Variants in RAD9B observed in about 807,000 individuals in gnomAD.
The protein encoded by RAD9B is cell cycle checkpoint control protein RAD9B.
A neutral mutation model predicts 48.3 loss-of-function variants in RAD9B; 41 were observed. The observed-to-expected ratio is 0.85, with a 90% confidence interval of 0.66 to 1.10. The LOEUF is 1.10. Among genes scored for constraint, RAD9B ranks in the 50% least tolerant of loss-of-function variants. The pLI is 0.00. For missense variants in RAD9B, 444 were observed against 485.1 expected, an observed-to-expected ratio of 0.92 and a Z score of 0.80; for synonymous variants, 160 against 157.9, an observed-to-expected ratio of 1.01 and a Z score of -0.10.
At position 110,515,046 on chromosome 12, in the gene RAD9B, A is replaced by T; in HGVS notation, c.489-4A>T. ...ATGTTAATACTGTTCTTTACATTTT[A>T]TAGATTGCTTGCTGATGCCATTGTT... On this transcript the variant is annotated splice_polypyrimidine_tract_variant and splice_region_variant and intron_variant, in intron 5 of 10. Coordinates refer to ENST00000409300, the MANE Select transcript of RAD9B (RefSeq NM_001286535.2). The T allele has an allele frequency of 1.3e-6, 2 of 1,522,074 alleles. No homozygotes were observed. The highest frequency in any genetic ancestry group is 1.8e-6 in the Non-Finnish European group (2 of 1,120,346). The allele number at this position is 1,522,074 out of a possible 1,614,324, so 94.3% of individuals were successfully genotyped here.
Position 110,505,711 on chromosome 12 carries a change from TG to T in RAD9B, c.213del (p.Met73Ter). On this transcript the variant is annotated frameshift_variant, in exon 3 of 11. Coordinates refer to ENST00000409300, the MANE Select transcript of RAD9B (RefSeq NM_001286535.2). LOFTEE classifies it high-confidence loss of function. Reference sequence around the variant, plus strand: ...CAGCATTATCAATGGTCAGCTTTAGTGAAAATGAGTGAAAATGAACTTGACA... The same window carrying T: ...CAGCATTATCAATGGTCAGCTTTAGTAAAATGAGTGAAAATGAACTTGACA... Reference protein sequence around the residue: ...FFQHYQWSALVKMSENELDTT... With the variant: ...FFQHYQWSALXKMSENELDTT... The T allele has an allele frequency of 6.2e-7, 1 of 1,608,352 alleles. No individual in the cohort carries two copies. Among genetic ancestry groups the T allele is most frequent in the Non-Finnish European group, 8.5e-7 (1 of 1,177,048 alleles).
At chr12:110,527,873 G>T (rs889019142) in intron 10 of RAD9B, among the ~76,000 whole-genome samples, 5 of 152,128 alleles carry the variant, frequency 3.3e-5, no homozygotes, top group Non-Finnish European at 7.3e-5. Flanking sequence ...AAGGATGAGG[G>T]CATGGGGGTG....
chr12:110,505,589 C>A, intron 2 of RAD9B, 28 bp from the exon 3 acceptor site: 6 of 1,532,256 alleles, frequency 3.9e-6, no homozygotes, highest in African/African-American at 1.4e-5. Context: ...GCAACCTCTC[C>A]TAAATAGTTT....
intron 6 of RAD9B, among the ~76,000 whole-genome samples, chr12:110,516,827 T>A (rs1454368968): frequency 6.6e-6 from 1 of 151,624 alleles, no homozygotes; most frequent in Non-Finnish European, 1.5e-5. Context: ...ATAATAATAA[T>A]AAATATGTAT....
chr12:110,517,668 G>A (rs1378002738), intron 6 of RAD9B, among the ~76,000 whole-genome samples: 3 of 150,702 alleles, frequency 2.0e-5, no homozygotes, highest in Non-Finnish European at 4.4e-5. Context: ...ATATGTGTAT[G>A]TATAAATACA....
At position 110,530,926 on chromosome 12, in the gene RAD9B, G is replaced by A. The variant is rs948974849; in HGVS notation, c.*273G>A. The A allele has an allele frequency of 9.4e-6, 11 of 1,166,672 alleles. No homozygotes were observed. Among genetic ancestry groups the A allele is most frequent in the Middle Eastern group, 7.4e-4 (2 of 2,698 alleles). The allele number at this position is 1,166,672 out of a possible 1,614,324, so 72.3% of individuals were successfully genotyped here. On this transcript the variant is annotated 3_prime_UTR_variant, in exon 11 of 11. Transcript: ENST00000409300. Reference sequence around the variant, plus strand: ...GCCCATTAGAGTTCTTCAATTCAATGCACGTTCACCCTAGAGCTTTTAACA... The same window carrying A: ...GCCCATTAGAGTTCTTCAATTCAATACACGTTCACCCTAGAGCTTTTAACA...
Position 110,518,885 on chromosome 12 carries a change from AT to A in RAD9B, c.718del (p.Ser240GlnfsTer21). ...TTTTCTTTTTTCAGGGAATACTGAC[AT>A]TTTCAGAAGCTACACATGCTCCTAT... Reference protein sequence around the residue: ...CFKELKGILTFSEATHAPISI... With the variant: ...CFKELKGILTXSEATHAPISI... On this transcript the variant is annotated frameshift_variant, in exon 8 of 11. Coordinates refer to ENST00000409300, the MANE Select transcript of RAD9B (RefSeq NM_001286535.2). LOFTEE classifies it high-confidence loss of function. 5 of 1,579,232 alleles carry A rather than the reference AT, an allele frequency of 3.2e-6. No homozygotes were observed. The highest frequency in any genetic ancestry group is 4.3e-6 in the Non-Finnish European group (5 of 1,162,056).
intron 4 of RAD9B, among the ~76,000 whole-genome samples, chr12:110,510,718 T>G (rs2063433936): frequency 6.6e-6 from 1 of 152,178 alleles, no homozygotes; most frequent in Non-Finnish European, 1.5e-5. Flanking sequence ...TCATACTCAT[T>G]ATTGCTACCT....
intron 2 of RAD9B, among the ~76,000 whole-genome samples, chr12:110,504,630 C>T (rs188865152): frequency 4.8e-4 from 73 of 152,076 alleles, no homozygotes; most frequent in African/African-American, 1.6e-3. Flanking sequence ...GGTGTGAGAC[C>T]GCCAATATGC....
intron 6 of RAD9B, 136 bp downstream of exon 6, chr12:110,515,292 G>A (rs1323845536): frequency 1.8e-6 from 1 of 561,978 alleles, no homozygotes; most frequent in Non-Finnish European, 3.1e-6. Context: ...GTTGGAAAAA[G>A]CTTTAAGAGA....
chr12:110,508,155 ATTC>A (rs1315818198), intron 4 of RAD9B: 1 of 169,274 alleles, frequency 5.9e-6, no homozygotes, highest in Non-Finnish European at 1.5e-5. Context: ...GTGCGTGTAA[ATTC>A]TTCTCCACTT....
Position 110,531,501 on chromosome 12 carries a change from T to A in RAD9B, c.*848T>A. 2 of 1,130,266 alleles carry A rather than the reference T, an allele frequency of 1.8e-6. No individual in the cohort carries two copies. Among genetic ancestry groups the A allele is most frequent in the Non-Finnish European group, 2.6e-6 (2 of 763,982 alleles). 70.0% of individuals were successfully genotyped at this position (1,130,266 alleles called of 1,614,324 possible). A position where few individuals can be genotyped will look rare whatever the true frequency, so the allele number is the denominator to read the frequency against. On this transcript the variant is annotated 3_prime_UTR_variant, in exon 11 of 11. Transcript: ENST00000409300. ...GCCACTGCGCCCAACCTGGAGTGTT[T>A]TTACATATTGTAAAATTTTATTTCC...
At chr12:110,519,550 C>T (rs2063711320) in intron 8 of RAD9B, among the ~76,000 whole-genome samples, 1 of 152,004 alleles carries the variant, frequency 6.6e-6, no homozygotes, top group Non-Finnish European at 1.5e-5. Flanking sequence ...TCTGCCTTAG[C>T]CTCTTGAGTA....
chr12:110,533,326 T>C lies in RAD9B; in HGVS notation c.*2673T>C, dbSNP rs750527903. Reference sequence around the variant, plus strand: ...AGAACTATTCCTGCATAAGTTATAATTCAGACATCCAAATTCAGGTAATTG... The same window carrying C: ...AGAACTATTCCTGCATAAGTTATAACTCAGACATCCAAATTCAGGTAATTG... On this transcript the variant is annotated 3_prime_UTR_variant, in exon 11 of 11. Transcript: ENST00000409300. 2.6e-4 allele frequency: 40 copies of C among 152,166 alleles called. No homozygotes were observed. The highest frequency in any genetic ancestry group is 4.7e-4 in the Non-Finnish European group (32 of 68,030). 9.4% of individuals were successfully genotyped at this position (152,166 alleles called of 1,614,324 possible).
At chr12:110,509,998 A>G (rs890121243) in intron 4 of RAD9B, among the ~76,000 whole-genome samples, 3 of 152,110 alleles carry the variant, frequency 2.0e-5, no homozygotes. Flanking sequence ...TCATCTTTTG[A>G]GCTTTGTGTC....
intron 9 of RAD9B, among the ~76,000 whole-genome samples, chr12:110,520,584 G>T: frequency 1.4e-5 from 2 of 140,840 alleles, no homozygotes; most frequent in South Asian, 2.3e-4. Context: ...TCACTTCCTA[G>T]AACTTTTGCT....
rs977351335 is a variant in RAD9B at position 110,519,842 on chromosome 12, T to C, written c.816T>C (p.Ile272=). 1.2e-6 allele frequency: 2 copies of C among 1,613,312 alleles called. No individual in the cohort carries two copies. The highest frequency in any genetic ancestry group is 1.7e-6 in the Non-Finnish European group (2 of 1,179,678). The stretch of plus-strand genomic sequence containing the variant: ...ATATGTTAGTGGAAGCTAACTTTAT[T>C]TTGGCCACATTAGCTGATGAACAAA... ...IDDMLVEANF[I]LATLADEQSR... is the part of the protein sequence containing the mutation. The change falls in exon 9 of 11, where the codon ATT becomes ATC. Residue 272 remains isoleucine (I), a synonymous_variant. Coordinates refer to ENST00000409300, the MANE Select transcript of RAD9B (RefSeq NM_001286535.2).
intron 6 of RAD9B, among the ~76,000 whole-genome samples, chr12:110,518,273 G>C (rs1217577206): frequency 6.6e-6 from 1 of 152,014 alleles, no homozygotes; most frequent in African/African-American, 2.4e-5. Context: ...CTGAGGCAGA[G>C]GATCACTTGA....
rs1445002037 is a variant in RAD9B at position 110,505,677 on chromosome 12, G to T, written c.178G>T (p.Val60Leu). 2.5e-6 allele frequency: 4 copies of T among 1,593,048 alleles called. No homozygotes were observed. In the South Asian group the frequency reaches 3.4e-5, roughly 14 times the overall value. The change falls in exon 3 of 11, where the codon GTG becomes TTG. Residue 60 changes from valine (V) to leucine (L), a missense_variant. Coordinates refer to ENST00000409300, the MANE Select transcript of RAD9B (RefSeq NM_001286535.2). ...ATATGGATGTGTCCTGTTCTCTCCTGTGTTTTTTCAGCATTATCAATGGTC... is the reference window on the plus strand; with the variant it reads ...ATATGGATGTGTCCTGTTCTCTCCTTTGTTTTTTCAGCATTATCAATGGTC... ...SAYGCVLFSPVFFQHYQWSAL... is the reference protein window; with the variant it reads ...SAYGCVLFSPLFFQHYQWSAL...
Sources: gnomAD v4.1 joint callset for allele counts (sites outside exome capture counted in the v4.1 genomes callset) on GRCh38, gnomAD v4.1.1 for gene constraint, MANE v1.5 for transcripts, NCBI Gene and HGNC (gene_info 2026-07-23, HGNC 2026-07-21) for gene names.